TDRD12: variants seen among roughly 807,000 people sequenced by gnomAD.
TDRD12 encodes putative ATP-dependent RNA helicase TDRD12.
In TDRD12, 158 loss-of-function variants were observed where a neutral mutation model predicts 133.5. That is an observed-to-expected ratio of 1.18 (90% confidence interval 1.04 to 1.35). TDRD12 has a LOEUF of 1.35. TDRD12 is among the 40% of genes most tolerant of loss of function. TDRD12 has a pLI of 0.00. For missense variants in TDRD12, 1,443 were observed against 1,321.3 expected (o/e 1.09, Z -1.43); for synonymous variants, 460 against 477.9 (o/e 0.96, Z 0.49).
intron 1 of TDRD12, among the ~76,000 whole-genome samples, chr19:32,729,234 G>C (rs994231180): frequency 4.4e-5 from 2 of 45,230 alleles, no homozygotes; most frequent in Non-Finnish European, 9.2e-5. Context: ...TTTTTTTTTT[G>C]TGAGATGGAG....
chr19:32,801,071 G>A (rs1449172804), intron 18 of TDRD12, among the ~76,000 whole-genome samples: 1 of 151,942 alleles, frequency 6.6e-6, no homozygotes, highest in Non-Finnish European at 1.5e-5. Flanking sequence ...AACATCTTCT[G>A]TACCCTCTGT....
At chr19:32,756,060 C>A in exon 7 of TDRD12, 1 of 1,481,472 alleles carries the variant, frequency 6.8e-7, no homozygotes, top group Non-Finnish European at 8.9e-7. Flanking sequence ...AGAATAAAAA[C>A]CTTGATTATT....
chr19:32,742,838 C>T (rs1969474080), exon 4 of TDRD12: 4 of 1,551,806 alleles, frequency 2.6e-6, no homozygotes, highest in Non-Finnish European at 3.5e-6. Context: ...AAAAATTCAG[C>T]CTGTACTGCA....
chr19:32,738,840 T>G lies in TDRD12; in HGVS notation c.184-16T>G, dbSNP rs1969303163. 1.3e-6 allele frequency: 2 copies of G among 1,546,648 alleles called. No homozygotes were observed. On this transcript the variant is annotated splice_polypyrimidine_tract_variant and intron_variant, in intron 2 of 27. Transcript: ENST00000444215. ...AAAAATAAATAAATAAAAATAACTCTCTGTTTATTTTGCAGGTGTGTGTGG... is the reference window on the plus strand; with the variant it reads ...AAAAATAAATAAATAAAAATAACTCGCTGTTTATTTTGCAGGTGTGTGTGG...
intron 3 of TDRD12, among the ~76,000 whole-genome samples, chr19:32,740,294 C>T (rs1969379629): frequency 9.7e-6 from 1 of 102,620 alleles, no homozygotes; most frequent in Non-Finnish European, 1.9e-5. Context: ...TCTGCATCTC[C>T]TGGGCACTCT....
At chr19:32,747,002 C>T (rs1969668417) in intron 4 of TDRD12, among the ~76,000 whole-genome samples, 1 of 118,788 alleles carries the variant, frequency 8.4e-6, no homozygotes, top group African/African-American at 3.5e-5. Context: ...AGGGGAGAGA[C>T]TGGCTGAGGT....
In TDRD12 at chr19:32,805,617, G is replaced by C. The variant is rs1971524969; in HGVS notation, c.2553-1932G>C. Among the ~76,000 whole-genome samples the C allele has an allele frequency of 1.3e-5, 2 of 151,322 alleles. 1 individual carries two copies. The highest frequency in any genetic ancestry group is 4.2e-4 in the South Asian group (2 of 4,816). On this transcript the variant is annotated intron_variant, in intron 21 of 27. Transcript: ENST00000444215. Reference sequence around the variant, plus strand: ...TAACTTTATACCAGTATTACACTTTGTTATAGCACGTCTTAGGAGCTGGTG... The same window carrying C: ...TAACTTTATACCAGTATTACACTTTCTTATAGCACGTCTTAGGAGCTGGTG...
chr19:32,792,906 G>T (rs1230148688), intron 13 of TDRD12, among the ~76,000 whole-genome samples: 4 of 152,198 alleles, frequency 2.6e-5, no homozygotes, highest in Non-Finnish European at 4.4e-5. Context: ...ATTCTGATGA[G>T]GTCAGGTGCG....
At chr19:32,756,702 A>G (rs953694128) in intron 7 of TDRD12, among the ~76,000 whole-genome samples, 1 of 152,166 alleles carries the variant, frequency 6.6e-6, no homozygotes, top group South Asian at 2.1e-4. Flanking sequence ...TCTTATTAAC[A>G]TTGAGTTATG....
At chr19:32,788,312 A>G (rs968475050) in intron 11 of TDRD12, among the ~76,000 whole-genome samples, 13 of 151,784 alleles carry the variant, frequency 8.6e-5, no homozygotes, top group African/African-American at 1.7e-4. Flanking sequence ...GGGTTTCACT[A>G]TATTGGCCAG....
intron 14 of TDRD12, among the ~76,000 whole-genome samples, chr19:32,797,391 A>G (rs1211878189): frequency 6.6e-6 from 1 of 152,130 alleles, no homozygotes; most frequent in Non-Finnish European, 1.5e-5. Context: ...TCCTGTTGCT[A>G]CCATGTATTA....
Position 32,818,498 on chromosome 19 carries a change from G to A in TDRD12, c.3383+341G>A, listed in dbSNP as rs184845196. Among the ~76,000 whole-genome samples, 24 of 152,316 alleles carry A rather than the reference G, an allele frequency of 1.6e-4. No homozygotes were observed. In the East Asian group the frequency reaches 3.5e-3, roughly 22 times the overall value. On this transcript the variant is annotated intron_variant, in intron 27 of 27. Transcript: ENST00000444215. ...GAACAGACTGAAGGGAGGGCTAGGGGACAAGACTGTGCCAGGAGCTTAGGA... is the reference window on the plus strand; with the variant it reads ...GAACAGACTGAAGGGAGGGCTAGGGAACAAGACTGTGCCAGGAGCTTAGGA...
intron 11 of TDRD12, among the ~76,000 whole-genome samples, chr19:32,789,775 C>T (rs182381874): frequency 3.3e-5 from 5 of 152,204 alleles, no homozygotes; most frequent in Admixed American, 1.3e-4. Flanking sequence ...CCGAGGCAGG[C>T]GGTTCACCTG....
At chr19:32,815,144 AG>A (rs1321879732) in intron 25 of TDRD12, among the ~76,000 whole-genome samples, 1 of 108,876 alleles carries the variant, frequency 9.2e-6, no homozygotes, top group East Asian at 3.9e-4. Context: ...GCATCTGACT[AG>A]GGGTTTATCC....
exon 2 of TDRD12, chr19:32,731,771 C>G (rs1599831446): frequency 6.4e-7 from 1 of 1,550,656 alleles, no homozygotes; most frequent in East Asian, 2.4e-5. Flanking sequence ...GGGTGTAGTC[C>G]CTTTTTAGAT....
In TDRD12 at chr19:32,738,966, C is replaced by G. The variant is rs1969309015; in HGVS notation, c.294C>G (p.Ala98=). The change falls in exon 3 of 28, where the codon GCC becomes GCG. Residue 98 remains alanine, a synonymous_variant. Coordinates refer to ENST00000444215, the Ensembl canonical transcript of TDRD12. ...CAGAATGTTTCCTTGTGGACTTTGCCAAGAACATTCCAGTCAAATCTAAAA... is the reference window on the plus strand; with the variant it reads ...CAGAATGTTTCCTTGTGGACTTTGCGAAGAACATTCCAGTCAAATCTAAAA... 1.9e-6 allele frequency: 3 copies of G among 1,550,746 alleles called. No homozygotes were observed. In the East Asian group the frequency reaches 7.3e-5, roughly 38 times the overall value.
chr19:32,745,778 G>C, intron 4 of TDRD12, among the ~76,000 whole-genome samples: 1 of 82,284 alleles, frequency 1.2e-5, no homozygotes, highest in African/African-American at 6.9e-5. Context: ...AGAGAGACTG[G>C]CTGATGTCAT....
intron 1 of TDRD12, among the ~76,000 whole-genome samples, chr19:32,729,729 A>T (rs1268951742): frequency 6.7e-6 from 1 of 149,388 alleles, no homozygotes; most frequent in Non-Finnish European, 1.5e-5. Context: ...TGTTAATTCC[A>T]ATATCTGGGT....
chr19:32,814,605 G>T (rs914299152), intron 25 of TDRD12, among the ~76,000 whole-genome samples: 2 of 152,112 alleles, frequency 1.3e-5, no homozygotes, highest in African/African-American at 4.8e-5. Context: ...TTTCTTGTTG[G>T]GGGGAGAAAA....
Sources: allele counts gnomAD v4.1 joint callset (sites outside exome capture counted in the v4.1 genomes callset), GRCh38; gene constraint gnomAD v4.1.1; transcripts MANE v1.5; gene names NCBI Gene and HGNC (gene_info 2026-07-23, HGNC 2026-07-21).